Variants in ZNF668 observed in about 807,000 individuals in gnomAD.
ZNF668 encodes the protein zinc finger protein 668.
A neutral mutation model predicts 40.3 loss-of-function variants in ZNF668; 10 were observed. The observed-to-expected ratio is 0.25, with a 90% CI of 0.15 to 0.42. The LOEUF (loss-of-function observed/expected upper bound fraction) is 0.42, where lower values mean the gene tolerates loss of function less well. Ranked by LOEUF, ZNF668 falls within the 10% of genes least tolerant of loss-of-function variation. ZNF668 has a pLI of 1.00. For missense variants in ZNF668, 749 were observed against 904.6 expected (o/e 0.83, Z 2.21); for synonymous variants, 428 against 384.6 (o/e 1.11, Z -1.32).
chr16:31,062,514 C>T (rs1296323641), intron 2 of ZNF668: 3 of 536,190 alleles, frequency 5.6e-6, no homozygotes, highest in African/African-American at 1.9e-5. Flanking sequence ...GGCGCGGTGG[C>T]TCACGCCTGT....
Position 31,064,105 on chromosome 16 carries a change from G to A in ZNF668, c.355C>T (p.Arg119Cys). Residue 119 changes from arginine to cysteine, a missense_variant, in exon 2 of 3, where the codon CGC becomes TGC. By Grantham distance (180) the Arg-to-Cys change is radical (BLOSUM62 -3). Around this residue, in one of 4 missense-constraint regions of ZNF668, gnomAD observed 151 missense variants for 178.6 expected, o/e 0.85. Transcript: ENST00000300849. ...EKPFPCPECGRRFMQPVCLRV... is the reference protein window; with the variant it reads ...EKPFPCPECGCRFMQPVCLRV... Reference sequence around the variant, plus strand: ...AGGCACACGGGCTGCATGAAGCGGCGGCCGCACTCGGGGCACGGAAAGGGC... The same window carrying A: ...AGGCACACGGGCTGCATGAAGCGGCAGCCGCACTCGGGGCACGGAAAGGGC... The A allele has an allele frequency of 1.2e-6, 2 of 1,605,256 alleles. No individual in the cohort carries two copies. Among genetic ancestry groups the A allele is most frequent in the Non-Finnish European group, 8.5e-7 (1 of 1,177,336 alleles).
chr16:31,064,439 C>G lies in ZNF668; in HGVS notation c.21G>C (p.Glu7Asp), dbSNP rs2056966020. 1 of 1,611,248 alleles carries G rather than the reference C, an allele frequency of 6.2e-7. No individual in the cohort carries two copies. Among genetic ancestry groups the G allele is most frequent in the Non-Finnish European group, 8.5e-7 (1 of 1,179,844 alleles). Residue 7 changes from glutamate (E) to aspartate (D), a missense_variant, in exon 2 of 3, where the codon GAG becomes GAC. This residue lies in a region of ZNF668 where 159 missense variants were observed against 139.8 expected (regional missense o/e 1.14). Transcript: ENST00000300849. MEVEAA[E>D]ARSPAPGYKR... The stretch of plus-strand genomic sequence containing the variant: ...TGTAGCCGGGGGCTGGGGACCGGGC[C>G]TCTGCAGCCTCCACTTCCATGGCCT...
In ZNF668 at chr16:31,061,825, T is replaced by TC. The variant is rs2056929244; in HGVS notation, c.1102dup (p.Glu368GlyfsTer16). ...ACGCTCGGCGAAGGCTCGCCCGCAC[T>TC]CCTCACAGCGGAAGGGCCGCTGGCC... is the stretch of plus-strand genomic sequence containing the variant. On this transcript the variant is annotated frameshift_variant, in exon 3 of 3. Coordinates refer to ENST00000300849, the MANE Select transcript of ZNF668 (RefSeq NM_024706.5). LOFTEE classifies it high-confidence loss of function. The surrounding 1 kb of genome is among the most constrained non-coding windows in gnomAD (Gnocchi z 7.7). The TC allele has an allele frequency of 6.2e-7, 1 of 1,612,544 alleles. No homozygotes were observed. The highest frequency in any genetic ancestry group is 8.5e-7 in the Non-Finnish European group (1 of 1,179,724).
At chr16:31,063,480 A>T (rs1267533091) in intron 2 of ZNF668, among the ~76,000 whole-genome samples, 1 of 151,542 alleles carries the variant, frequency 6.6e-6, no homozygotes, top group African/African-American at 2.4e-5. Flanking sequence ...AAAAAAAATG[A>T]CCTAGACAAA....
At chr16:31,065,156 G>A in intron 1 of ZNF668, 1 of 995,466 alleles carries the variant, frequency 1.0e-6, no homozygotes, top group Non-Finnish European at 1.2e-6. Flanking sequence ...ATCACTCAAG[G>A]CAGCCTGAGC....
At chr16:31,066,084 C>G (rs1393335743) in intron 1 of ZNF668, 3 of 985,268 alleles carry the variant, frequency 3.0e-6, no homozygotes, top group Non-Finnish European at 3.6e-6. Context: ...GGGCCACATC[C>G]TTAAAGTCAG....
At chr16:31,062,382 G>A (rs1332633206) in intron 2 of ZNF668, 102 bp from the exon 3 acceptor site, 16 of 1,459,654 alleles carry the variant, frequency 1.1e-5, no homozygotes, top group Non-Finnish European at 1.2e-5. Context: ...CGTTCGTGGG[G>A]GCCTAGGCTT....
chr16:31,066,005 G>A (rs2056979302), intron 1 of ZNF668: 1 of 985,100 alleles, frequency 1.0e-6, no homozygotes, highest in Non-Finnish European at 1.2e-6. Flanking sequence ...CCTTATGCCA[G>A]GAAAGGGCGG....
At chr16:31,072,961 TC>T (rs2057027656) in intron 1 of ZNF668, 7 of 152,290 alleles carry the variant, frequency 4.6e-5, no homozygotes, top group Admixed American at 2.6e-4. Flanking sequence ...CCCACGCCGC[TC>T]TGGACCTCAG....
At chr16:31,065,389 G>A (rs954787442) in intron 1 of ZNF668, 1 of 153,190 alleles carries the variant, frequency 6.5e-6, no homozygotes, top group Non-Finnish European at 1.5e-5. Flanking sequence ...AAGGGAAGAG[G>A]ATTATGGCAG....
At position 31,063,924 on chromosome 16, in the gene ZNF668, T is replaced by G; in HGVS notation, c.536A>C (p.Asp179Ala). 6.3e-7 allele frequency: 1 copy of G among 1,597,968 alleles called. No homozygotes were observed. The highest frequency in any genetic ancestry group is 8.5e-7 in the Non-Finnish European group (1 of 1,172,936). ...CCGGTGCTTGCGGAACACTGAAGGG[T>G]CAGCAAAGCTCTTGCCGCAGTCGGC... ...ACADCGKSFA[D>A]PSVFRKHRRT... Residue 179 changes from aspartate to alanine, a missense_variant, in exon 2 of 3, where the codon GAC (aspartate) becomes GCC (alanine). Asp to Ala is a moderately radical substitution (Grantham distance 126). Transcript: ENST00000300849.
chr16:31,067,996 G>A (rs79449040), intron 1 of ZNF668, among the ~76,000 whole-genome samples: 5,830 of 151,692 alleles, frequency 0.038, 405 homozygotes, highest in African/African-American at 0.13. Context: ...CTCTCAGAGG[G>A]CTTGACCCAG....
Position 31,061,571 on chromosome 16 carries a change from C to T in ZNF668, c.1357G>A (p.Gly453Arg), listed in dbSNP as rs73528576. 119 of 1,608,980 alleles carry T rather than the reference C, an allele frequency of 7.4e-5. No homozygotes were observed. In the African/African-American group the frequency reaches 1.6e-3, roughly 21 times the overall value. Residue 453 changes from glycine to arginine, a missense_variant, in exon 3 of 3, where the codon GGG becomes AGG. By Grantham distance (125) the Gly-to-Arg change is moderately radical. This residue lies in a region of ZNF668 where 310 missense variants were observed against 355.1 expected (regional missense o/e 0.87). Transcript: ENST00000300849. The surrounding 1 kb of genome is among the most constrained non-coding windows in gnomAD (Gnocchi z 7.7). ...SAAPAAGAGLGDPPAGLLGLP... is the reference protein window; with the variant it reads ...SAAPAAGAGLRDPPAGLLGLP... ...CCTAGCAGCCCTGCTGGAGGGTCCC[C>T]CAGCCCCGCCCCTGCTGCCGGGGCG...
At chr16:31,063,764 C>T (rs1397678648) in intron 2 of ZNF668, 49 bp downstream of exon 2, 4 of 1,469,292 alleles carry the variant, frequency 2.7e-6, no homozygotes, top group Middle Eastern at 2.5e-4. Flanking sequence ...GCTGCAGCAA[C>T]GCTGTCGCCC....
Position 31,061,095 on chromosome 16 carries a change from T to C in ZNF668, c.1833A>G (p.Leu611=). 2.0e-6 allele frequency: 3 copies of C among 1,501,894 alleles called. No individual in the cohort carries two copies. Among genetic ancestry groups the C allele is most frequent in the Non-Finnish European group, 2.7e-6 (3 of 1,127,848 alleles). 93.0% of individuals were successfully genotyped at this position (1,501,894 alleles called of 1,614,324 possible). A position where few individuals can be genotyped will look rare whatever the true frequency, so the allele number is the denominator to read the frequency against. ...AGGCCGGCCCCTCTTCAGGCATTCC[T>C]AGCAAAGCCACCAGGGGCTCCAGGG... ...PTPLEPLVAL[L]GMPEEGPA The change falls in exon 3 of 3, where the codon CTA becomes CTG. Residue 611 remains leucine (L), a synonymous_variant. Coordinates refer to ENST00000300849, the MANE Select transcript of ZNF668 (RefSeq NM_024706.5). The surrounding 1 kb of genome is among the most constrained non-coding windows in gnomAD (Gnocchi z 7.7).
rs8044134 is a variant in ZNF668, at chr16:31,064,737, G to A, written c.-22-256C>T. On this transcript the variant is annotated intron_variant, in intron 1 of 2. Transcript: ENST00000300849. ...AAGATTCACCTACACGTCCCCCCCC[G>A]CCCCCAACGGGCTTTTCCAAACACT... is the stretch of plus-strand genomic sequence containing the variant. 7.0e-4 allele frequency: 1,058 copies of A among 1,521,114 alleles called. 8 individuals carry two copies. The South Asian group carries it at 7.7e-3, about 11-fold the overall frequency. The allele number at this position is 1,521,114 out of a possible 1,614,324, so 94.2% of individuals were successfully genotyped here.
intron 1 of ZNF668, 173 bp from the exon 2 acceptor site, chr16:31,064,654 G>A (rs910942077): frequency 1.3e-6 from 2 of 1,536,170 alleles, no homozygotes; most frequent in African/African-American, 1.4e-5. Flanking sequence ...GCTCATTGAA[G>A]AAAGGAGTTG....
At chr16:31,064,932 G>T (rs2056970477) in intron 1 of ZNF668, 2 of 1,358,840 alleles carry the variant, frequency 1.5e-6, no homozygotes, top group African/African-American at 2.9e-5. Context: ...TGAGCCAATG[G>T]GCTAAATCTG....
intron 1 of ZNF668, among the ~76,000 whole-genome samples, chr16:31,069,544 T>C (rs1011515774): frequency 7.9e-5 from 12 of 151,258 alleles, no homozygotes; most frequent in African/African-American, 2.7e-4. Context: ...CCTTTCCTTT[T>C]CTTCCCCCCT....
Sources: allele counts gnomAD v4.1 joint callset (sites outside exome capture counted in the v4.1 genomes callset), GRCh38; gene constraint gnomAD v4.1.1; regional missense constraint gnomAD v4.1.1; non-coding constraint Gnocchi (gnomAD v3.1); transcripts MANE v1.5; gene names NCBI Gene and HGNC (gene_info 2026-07-23, HGNC 2026-07-21).